Variants in PEG3 observed in about 807,000 individuals in gnomAD.
PEG3 encodes the protein paternally expressed 3.
A neutral mutation model predicts 35.5 loss-of-function variants in PEG3; 23 were observed. The ratio of observed to expected loss-of-function variants is 0.65; its 90% CI spans 0.47 to 0.92. The LOEUF is 0.92. PEG3 is among the 40% of genes least tolerant of loss of function. The pLI is 0.00. For missense variants in PEG3, 1,960 were observed against 1,985.3 expected, an observed-to-expected ratio of 0.99 and a Z score of 0.24; for synonymous variants, 707 against 697.0, an observed-to-expected ratio of 1.01 and a Z score of -0.23.
chr19:56,838,836 C>G (rs1199415886), intron 1 of PEG3, among the ~76,000 whole-genome samples: 2 of 152,236 alleles, frequency 1.3e-5, no homozygotes, highest in Non-Finnish European at 2.9e-5. Flanking sequence ...GCAAGCACAG[C>G]AACCGTGGCC....
At position 56,824,328 on chromosome 19, in the gene PEG3, T is replaced by A. The variant is rs1236925172; in HGVS notation, c.328A>T (p.Lys110Ter). Reference protein sequence around the residue: ...EKLKPWVRAKKPENCEKLVTL... With the variant: ...EKLKPWVRAK The stretch of plus-strand genomic sequence containing the variant: ...ACGAGCTTCTCACAGTTCTCCGGCT[T>A]TTTTGCTCGCACCCAAGGCTTGAGC... The change falls in exon 4 of 10, where the codon AAG becomes TAG. Residue 110 changes from lysine (K) to a stop codon, truncating the protein, a stop_gained. Coordinates refer to ENST00000326441, the MANE Select transcript of PEG3 (RefSeq NM_006210.3). LOFTEE classifies it high-confidence loss of function. The A allele has an allele frequency of 6.2e-7, 1 of 1,614,070 alleles. No individual in the cohort carries two copies. The highest frequency in any genetic ancestry group is 1.1e-5 in the South Asian group (1 of 91,064).
In PEG3 at chr19:56,812,114, T is replaced by C. The variant is rs2059581480; in HGVS notation, c.*1561A>G. ...GATCTACACTTACATTTTGCAAATC[T>C]TTTTTTTTAAATTTTTTAAATTTTA... On this transcript the variant is annotated 3_prime_UTR_variant, in exon 10 of 10. Transcript: ENST00000326441. The C allele has an allele frequency of 2.1e-6, 2 of 952,050 alleles. No individual in the cohort carries two copies. Among genetic ancestry groups the C allele is most frequent in the Non-Finnish European group, 2.5e-6 (2 of 799,826 alleles). The allele number at this position is 952,050 out of a possible 1,614,324, so 59.0% of individuals were successfully genotyped here.
At chr19:56,836,700 G>A (rs752657469) in intron 1 of PEG3, among the ~76,000 whole-genome samples, 2 of 152,176 alleles carry the variant, frequency 1.3e-5, no homozygotes, top group Non-Finnish European at 2.9e-5. Context: ...TGGGCGCAGT[G>A]ACTCGCGCCT....
Position 56,811,364 on chromosome 19 carries a change from A to C in PEG3, c.*2311T>G, listed in dbSNP as rs906491635. 9 of 886,798 alleles carry C rather than the reference A, an allele frequency of 1.0e-5. No individual in the cohort carries two copies. The Admixed American group carries it at 2.5e-4, about 24-fold the overall frequency. The allele number at this position is 886,798 out of a possible 1,614,324, so 54.9% of individuals were successfully genotyped here. A position where few individuals can be genotyped will look rare whatever the true frequency, so the allele number is the denominator to read the frequency against. On this transcript the variant is annotated 3_prime_UTR_variant, in exon 10 of 10. Coordinates refer to ENST00000326441, the MANE Select transcript of PEG3 (RefSeq NM_006210.3). ...CAGCATATAAATGAACTGTTGAGTT[A>C]TAACTGTAGTATAAATATACTTTCG...
Position 56,814,407 on chromosome 19 carries a change from T to A in PEG3, c.4035A>T (p.Thr1345=). Residue 1345 remains threonine (T), a synonymous_variant, in exon 10 of 10, where the codon ACA becomes ACT. Transcript: ENST00000326441. The surrounding 1 kb of genome is among the most constrained non-coding windows in gnomAD (Gnocchi z 5.8). ...KDCGKSFIHS[T]VLTKHKELHL... ...GAAGCTCCTTATGTTTAGTGAGGAC[T>A]GTGCTATGAATAAAGGACTTACCAC... The A allele has an allele frequency of 6.2e-7, 1 of 1,613,916 alleles. No individual in the cohort carries two copies. Among genetic ancestry groups the A allele is most frequent in the Non-Finnish European group, 8.5e-7 (1 of 1,179,768 alleles).
At position 56,811,644 on chromosome 19, in the gene PEG3, A is replaced by G; in HGVS notation, c.*2031T>C. ...ACCAAGTAATGTACCCACAAAGTTC[A>G]CCCCGACATCAACACTGATTCTCGT... On this transcript the variant is annotated 3_prime_UTR_variant, in exon 10 of 10. Transcript: ENST00000326441. 2 of 983,020 alleles carry G rather than the reference A, an allele frequency of 2.0e-6. No homozygotes were observed. Among genetic ancestry groups the G allele is most frequent in the Non-Finnish European group, 2.4e-6 (2 of 829,132 alleles). The allele number at this position is 983,020 out of a possible 1,614,324, so 60.9% of individuals were successfully genotyped here.
Position 56,811,904 on chromosome 19 carries a change from G to A in PEG3, c.*1771C>T, listed in dbSNP as rs908612063. 1 of 984,764 alleles carries A rather than the reference G, an allele frequency of 1.0e-6. No individual in the cohort carries two copies. Among genetic ancestry groups the A allele is most frequent in the Non-Finnish European group, 1.2e-6 (1 of 829,400 alleles). 61.0% of individuals were successfully genotyped at this position (984,764 alleles called of 1,614,324 possible). On this transcript the variant is annotated 3_prime_UTR_variant, in exon 10 of 10. Transcript: ENST00000326441. Reference sequence around the variant, plus strand: ...TCTCCTCTCCCCTCCTAGATCTGGTGATATATTAGGACTCCCTTCTTTGAC... The same window carrying A: ...TCTCCTCTCCCCTCCTAGATCTGGTAATATATTAGGACTCCCTTCTTTGAC...
Position 56,813,378 on chromosome 19 carries a change from G to C in PEG3, c.*297C>G. 1 of 1,176,164 alleles carries C rather than the reference G, an allele frequency of 8.5e-7. No homozygotes were observed. Among genetic ancestry groups the C allele is most frequent in the Non-Finnish European group, 1.1e-6 (1 of 949,150 alleles). The allele number at this position is 1,176,164 out of a possible 1,614,324, so 72.9% of individuals were successfully genotyped here. On this transcript the variant is annotated 3_prime_UTR_variant, in exon 10 of 10. Transcript: ENST00000326441. ...ACAAGTGTCATTTACAGTTGATTTG[G>C]GCAAACTCTGTAGTCTGGAATACTC...
In PEG3 at chr19:56,811,100, T is replaced by G; in HGVS notation, c.*2575A>C. Reference sequence around the variant, plus strand: ...ATGTCTTTGGATGGTGGGGATATGATTTTTTTTCCTCCACTTTTCTGTATT... The same window carrying G: ...ATGTCTTTGGATGGTGGGGATATGAGTTTTTTTCCTCCACTTTTCTGTATT... On this transcript the variant is annotated 3_prime_UTR_variant, in exon 10 of 10. Transcript: ENST00000326441. The G allele has an allele frequency of 1.0e-6, 1 of 983,358 alleles. No homozygotes were observed. The highest frequency in any genetic ancestry group is 1.2e-6 in the Non-Finnish European group (1 of 828,110). 60.9% of individuals were successfully genotyped at this position (983,358 alleles called of 1,614,324 possible).
intron 2 of PEG3, among the ~76,000 whole-genome samples, chr19:56,834,099 G>A (rs1282175296): frequency 6.6e-6 from 1 of 152,150 alleles, no homozygotes; most frequent in Non-Finnish European, 1.5e-5. Context: ...GAGACAAAAT[G>A]TCTTCCAGAA....
intron 1 of PEG3, among the ~76,000 whole-genome samples, chr19:56,839,082 C>A (rs951389322): frequency 6.6e-6 from 1 of 151,404 alleles, no homozygotes; most frequent in African/African-American, 2.4e-5. Context: ...TCTCGCCCAA[C>A]CAACTAGGAC....
chr19:56,813,021 C>G lies in PEG3; in HGVS notation c.*654G>C. On this transcript the variant is annotated 3_prime_UTR_variant, in exon 10 of 10. Coordinates refer to ENST00000326441, the MANE Select transcript of PEG3 (RefSeq NM_006210.3). ...AAGCTAAAGTACTTATCTTTTCAAA[C>G]AGTAAGGAGTAAAAGCCATGTTATC... The G allele has an allele frequency of 1.0e-6, 1 of 985,618 alleles. No individual in the cohort carries two copies. Among genetic ancestry groups the G allele is most frequent in the Non-Finnish European group, 1.2e-6 (1 of 829,800 alleles). 61.1% of individuals were successfully genotyped at this position (985,618 alleles called of 1,614,324 possible). A position where few individuals can be genotyped will look rare whatever the true frequency, so the allele number is the denominator to read the frequency against.
At position 56,811,390 on chromosome 19, in the gene PEG3, T is replaced by G. The variant is rs1052472280; in HGVS notation, c.*2285A>C. On this transcript the variant is annotated 3_prime_UTR_variant, in exon 10 of 10. Transcript: ENST00000326441. The stretch of plus-strand genomic sequence containing the variant: ...TAACTGTAGTATAAATATACTTTCG[T>G]GTCCTGCTTTCTCCACTTAATGTTC... 3 of 869,324 alleles carry G rather than the reference T, an allele frequency of 3.5e-6. No individual in the cohort carries two copies. In the Admixed American group the frequency reaches 1.9e-4, roughly 54 times the overall value. The allele number at this position is 869,324 out of a possible 1,614,324, so 53.9% of individuals were successfully genotyped here.
rs748422017 is a variant in PEG3 at position 56,815,841 on chromosome 19, G to A, written c.2601C>T (p.Asp867=). The A allele has an allele frequency of 1.2e-6, 2 of 1,613,528 alleles. No homozygotes were observed. The highest frequency in any genetic ancestry group is 1.7e-6 in the Non-Finnish European group (2 of 1,179,606). The change falls in exon 10 of 10, where the codon GAC becomes GAT. Residue 867 remains aspartate, a synonymous_variant. Transcript: ENST00000326441. ...EKGESSIYIS[D]LNDKRQKIPA... ...GAATCTTCTGTCGCTTATCATTAAG[G>A]TCTGAGATATAAATGGAGGATTCTC...
chr19:56,830,509 G>A (rs1045111118), intron 2 of PEG3, among the ~76,000 whole-genome samples: 1 of 152,180 alleles, frequency 6.6e-6, no homozygotes, highest in Non-Finnish European at 1.5e-5. Context: ...AAACATTAAA[G>A]ATGTTCCTCT....
intron 7 of PEG3, among the ~76,000 whole-genome samples, chr19:56,820,668 A>C (rs1483244855): frequency 6.6e-6 from 1 of 152,138 alleles, no homozygotes; most frequent in Non-Finnish European, 1.5e-5. Context: ...CTTCAATCCA[A>C]ATCAAGGCCC....
intron 2 of PEG3, among the ~76,000 whole-genome samples, chr19:56,828,694 TA>T (rs2146465076): frequency 6.6e-6 from 1 of 152,306 alleles, no homozygotes; most frequent in Non-Finnish European, 1.5e-5. Flanking sequence ...GTTTGAAATG[TA>T]AAAGGCTTTT....
Position 56,817,322 on chromosome 19 carries a change from C to T in PEG3, c.1120G>A (p.Gly374Ser). 6.2e-7 allele frequency: 1 copy of T among 1,614,154 alleles called. No individual in the cohort carries two copies. Among genetic ancestry groups the T allele is most frequent in the Non-Finnish European group, 8.5e-7 (1 of 1,180,004 alleles). The change falls in exon 10 of 10, where the codon GGC (glycine) becomes AGC (serine). Residue 374 changes from glycine to serine, a missense_variant. Gly to Ser is a moderately conservative substitution (Grantham distance 56). Transcript: ENST00000326441. ...RVYEGNAFRG[G>S]FRFNSTLVSR... ...ACAAGGGTTGAATTAAACCTAAAGCCTCCCCTAAATGCATTCCCTTCATAA... is the reference window on the plus strand; with the variant it reads ...ACAAGGGTTGAATTAAACCTAAAGCTTCCCCTAAATGCATTCCCTTCATAA...
intron 2 of PEG3, among the ~76,000 whole-genome samples, chr19:56,827,801 A>G (rs1427208514): frequency 6.6e-6 from 1 of 152,196 alleles, no homozygotes; most frequent in Non-Finnish European, 1.5e-5. Flanking sequence ...CAAGATAGTT[A>G]AGTGCAAAAC....
Sources: allele counts gnomAD v4.1 joint callset (sites outside exome capture counted in the v4.1 genomes callset), GRCh38; gene constraint gnomAD v4.1.1; non-coding constraint Gnocchi (gnomAD v3.1); transcripts MANE v1.5; gene names NCBI Gene and HGNC (gene_info 2026-07-23, HGNC 2026-07-21).